ACO1: variants seen among roughly 807,000 people sequenced by gnomAD.
ACO1 encodes the protein aconitase 1.
A neutral mutation model predicts 105.1 loss-of-function variants in ACO1; 78 were observed. The ratio of observed to expected loss-of-function variants is 0.74; its 90% CI spans 0.62 to 0.90. The LOEUF is 0.90. Ranked by LOEUF, ACO1 falls within the 40% of genes least tolerant of loss-of-function variation. The probability of loss-of-function intolerance (pLI) is 0.00; values close to 1 mark genes in which losing one functional copy is unlikely to be tolerated. For missense variants in ACO1, 965 were observed against 1,111.1 expected (o/e 0.87, Z 1.87); for synonymous variants, 364 against 397.4 (o/e 0.92, Z 1.00).
chr9:32,443,246 G>A (rs532802006), intron 19 of ACO1, among the ~76,000 whole-genome samples: 1 of 152,054 alleles, frequency 6.6e-6, no homozygotes. Context: ...TATTCAAGAT[G>A]TAATTCCCTT....
chr9:32,444,535 T>C (rs1349749573), intron 19 of ACO1, among the ~76,000 whole-genome samples: 3 of 152,102 alleles, frequency 2.0e-5, no homozygotes, highest in Non-Finnish European at 2.9e-5. Context: ...TGTGAGATGG[T>C]ATCTCATTGT....
chr9:32,401,285 C>T lies in ACO1; in HGVS notation c.-22-4200C>T, dbSNP rs556654570. ...ACAGAAGCACCAAAAGACTGTGATACACCTAGGTAGTACTTTTTTCAACTC... is the reference window on the plus strand; with the variant it reads ...ACAGAAGCACCAAAAGACTGTGATATACCTAGGTAGTACTTTTTTCAACTC... On this transcript the variant is annotated intron_variant, in intron 1 of 20. Coordinates refer to ENST00000309951, the MANE Select transcript of ACO1 (RefSeq NM_002197.3). Among the ~76,000 whole-genome samples the T allele has an allele frequency of 8.6e-5, 13 of 152,022 alleles. No individual in the cohort carries two copies. The South Asian group carries it at 2.7e-3, about 32-fold the overall frequency.
chr9:32,420,169 G>GGCCATATTACCAAAAGAGCCCA (rs1821941217), intron 7 of ACO1, among the ~76,000 whole-genome samples: 1 of 152,216 alleles, frequency 6.6e-6, no homozygotes, highest in African/African-American at 2.4e-5. Context: ...AGCTAAGTCA[G>GGCCATATTACCAAAAGAGCCCA]TCACTGTGGC....
At chr9:32,433,293 G>A (rs1429534339) in intron 15 of ACO1, among the ~76,000 whole-genome samples, 1 of 152,180 alleles carries the variant, frequency 6.6e-6, no homozygotes, top group Non-Finnish European at 1.5e-5. Flanking sequence ...GAGTGCAGTA[G>A]TGTCATCATA....
rs1007496037 is a variant in ACO1, at chr9:32,454,012, T to C, written c.*3901T>C. 1 of 152,246 alleles carries C rather than the reference T, an allele frequency of 6.6e-6. No individual in the cohort carries two copies. The highest frequency in any genetic ancestry group is 2.1e-4 in the South Asian group (1 of 4,836). The allele number at this position is 152,246 out of a possible 1,614,324, so 9.4% of individuals were successfully genotyped here. On this transcript the variant is annotated 3_prime_UTR_variant, in exon 21 of 21. Transcript: ENST00000309951. ...GCATAATGAAACAGAGTTCCAGACA[T>C]GTACCTGCCAAATTTGGTTCTGGTT...
At chr9:32,409,689 A>G (rs1821692555) in intron 4 of ACO1, among the ~76,000 whole-genome samples, 2 of 151,730 alleles carry the variant, frequency 1.3e-5, no homozygotes, top group African/African-American at 2.4e-5. Flanking sequence ...TATCTCTACA[A>G]ATAACTTTTT....
intron 12 of ACO1, among the ~76,000 whole-genome samples, chr9:32,428,684 A>G (rs1180780290): frequency 1.3e-5 from 2 of 152,070 alleles, no homozygotes; most frequent in Non-Finnish European, 2.9e-5. Flanking sequence ...TGAAAATACA[A>G]AAAAACAAAA....
At chr9:32,449,444 C>G (rs1195601290) in intron 20 of ACO1, among the ~76,000 whole-genome samples, 1 of 152,144 alleles carries the variant, frequency 6.6e-6, no homozygotes, top group Non-Finnish European at 1.5e-5. Context: ...CCTCCCTAAG[C>G]CTGCCCATAG....
At chr9:32,414,546 C>G (rs1002086481) in intron 4 of ACO1, among the ~76,000 whole-genome samples, 6 of 152,208 alleles carry the variant, frequency 3.9e-5, no homozygotes, top group African/African-American at 1.4e-4. Context: ...TTTCTGGCTT[C>G]TGCACGTCCT....
At chr9:32,427,479 G>A (rs1822126695) in intron 12 of ACO1, 43 bp downstream of exon 12, 1 of 1,612,620 alleles carries the variant, frequency 6.2e-7, no homozygotes, top group Admixed American at 1.7e-5. Context: ...TTGTTGAATT[G>A]TATCCCTCAT....
intron 19 of ACO1, among the ~76,000 whole-genome samples, chr9:32,443,751 G>A (rs1157608144): frequency 6.6e-6 from 1 of 152,156 alleles, no homozygotes; most frequent in African/African-American, 2.4e-5. Context: ...AAAACATGGT[G>A]TAAATGGAGA....
intron 2 of ACO1, 73 bp downstream of exon 2, chr9:32,405,676 G>A (rs1821594983): frequency 8.7e-7 from 1 of 1,145,214 alleles, no homozygotes; most frequent in Admixed American, 2.3e-5. Flanking sequence ...AATTACACTT[G>A]AGGAGAGTTT....
At chr9:32,448,837 AC>A in intron 19 of ACO1, 58 bp from the exon 20 acceptor site, 1 of 1,595,286 alleles carries the variant, frequency 6.3e-7, no homozygotes, top group Non-Finnish European at 8.6e-7. Context: ...TCTTTTGTAA[AC>A]CTGTGTATCC....
At position 32,423,347 on chromosome 9, in the gene ACO1, T is replaced by TA; in HGVS notation, c.1005dup (p.Tyr336IlefsTer13). 1.3e-6 allele frequency: 2 copies of TA among 1,596,584 alleles called. No homozygotes were observed. The highest frequency in any genetic ancestry group is 1.7e-6 in the Non-Finnish European group (2 of 1,174,636). The stretch of plus-strand genomic sequence containing the variant: ...GTGATGAAGAAAAATTAAAGTATAT[T>TA]AAAAAATATCTTCAGGCTGTAGGAA... On this transcript the variant is annotated frameshift_variant, in exon 9 of 21. Coordinates refer to ENST00000309951, the MANE Select transcript of ACO1 (RefSeq NM_002197.3). LOFTEE classifies it high-confidence loss of function.
chr9:32,409,678 A>C (rs756407965), intron 4 of ACO1, among the ~76,000 whole-genome samples: 1 of 152,026 alleles, frequency 6.6e-6, no homozygotes, highest in Non-Finnish European at 1.5e-5. Flanking sequence ...CAGGAAGACC[A>C]TATCTCTACA....
At chr9:32,409,843 AT>A (rs1311221012) in intron 4 of ACO1, among the ~76,000 whole-genome samples, 1 of 152,170 alleles carries the variant, frequency 6.6e-6, no homozygotes, top group Non-Finnish European at 1.5e-5. Context: ...AAAAAAAAAA[AT>A]CTTAATAAAA....
chr9:32,405,661 T>A, intron 2 of ACO1, 58 bp downstream of exon 2: 5 of 1,257,030 alleles, frequency 4.0e-6, no homozygotes, highest in East Asian at 2.4e-5. Context: ...TTAGGCTATG[T>A]AATTAATTAC....
rs140700623 is a variant in ACO1 at position 32,437,136 on chromosome 9, G to A, written c.2247+739G>A. 2.9e-3 allele frequency among the ~76,000 whole-genome samples: 445 copies of A among 152,248 alleles called. 4 individuals are homozygous for A. Among genetic ancestry groups the A allele is most frequent in the African/African-American group, 1.0e-2 (415 of 41,528 alleles). On this transcript the variant is annotated intron_variant, in intron 18 of 20. Coordinates refer to ENST00000309951, the MANE Select transcript of ACO1 (RefSeq NM_002197.3). ...ATTTTAAAATAATAATCGCTAATATGTCTATGGCACTTAACTACATTCCAG... is the reference window on the plus strand; with the variant it reads ...ATTTTAAAATAATAATCGCTAATATATCTATGGCACTTAACTACATTCCAG...
At chr9:32,432,104 C>G (rs1164886344) in intron 15 of ACO1, among the ~76,000 whole-genome samples, 1 of 152,150 alleles carries the variant, frequency 6.6e-6, no homozygotes, top group African/African-American at 2.4e-5. Context: ...AGGTTCAGCT[C>G]TCCAAAACCC....
Sources: gnomAD v4.1 joint callset for allele counts (sites outside exome capture counted in the v4.1 genomes callset) on GRCh38, gnomAD v4.1.1 for gene constraint, MANE v1.5 for transcripts, NCBI Gene and HGNC (gene_info 2026-07-23, HGNC 2026-07-21) for gene names.